ICOS: variants seen among roughly 807,000 people sequenced by gnomAD.
The protein encoded by ICOS is inducible T cell costimulator.
ICOS carries 15 observed loss-of-function variants against 24.6 expected under a neutral mutation model. The ratio of observed to expected loss-of-function variants is 0.61; its 90% CI spans 0.41 to 0.94. The LOEUF (loss-of-function observed/expected upper bound fraction) is 0.94. Ranked by LOEUF, ICOS falls within the 40% of genes least tolerant of loss-of-function variation. The probability of loss-of-function intolerance (pLI) is 0.00; values close to 1 mark genes in which losing one functional copy is unlikely to be tolerated. For synonymous variants in ICOS, 89 were observed against 77.5 expected (o/e 1.15, Z -0.78); for missense variants, 200 against 233.0 (o/e 0.86, Z 0.92).
intron 1 of ICOS, among the ~76,000 whole-genome samples, chr2:203,953,679 A>G (rs1229123753): frequency 6.6e-6 from 1 of 152,232 alleles, no homozygotes; most frequent in Non-Finnish European, 1.5e-5. Context: ...AATACATAGT[A>G]TTATAACTTT....
chr2:203,954,636 A>G (rs930198486), intron 1 of ICOS, among the ~76,000 whole-genome samples: 47 of 152,152 alleles, frequency 3.1e-4, no homozygotes, highest in African/African-American at 1.1e-3. Flanking sequence ...GTAAACAAAA[A>G]TCTGGGGCTT....
rs76460798 is a variant in ICOS at position 203,946,861 on chromosome 2, T to A, written c.59-8775T>A. 3.7e-3 allele frequency among the ~76,000 whole-genome samples: 562 copies of A among 152,362 alleles called. 9 individuals are homozygous for A. The highest frequency in any genetic ancestry group is 0.013 in the African/African-American group (540 of 41,582). On this transcript the variant is annotated intron_variant, in intron 1 of 4. Coordinates refer to ENST00000316386, the MANE Select transcript of ICOS (RefSeq NM_012092.4). ...GATTACAAACTCAGGACATCTTATC[T>A]TTCCATCACTCTGAGACCTTTGTGG...
chr2:203,955,572 A>G (rs1280912442), intron 1 of ICOS, 64 bp from the exon 2 acceptor site: 3 of 1,361,302 alleles, frequency 2.2e-6, no homozygotes, highest in Admixed American at 3.4e-5. Flanking sequence ...TTATGTTAAA[A>G]TATAATTATT....
intron 1 of ICOS, among the ~76,000 whole-genome samples, chr2:203,938,691 G>C (rs1458730408): frequency 6.6e-6 from 1 of 152,140 alleles, no homozygotes; most frequent in African/African-American, 2.4e-5. Context: ...AAGTAGCATC[G>C]GTGTCAATTC....
At chr2:203,944,571 T>G (rs1443367322) in intron 1 of ICOS, among the ~76,000 whole-genome samples, 1 of 152,208 alleles carries the variant, frequency 6.6e-6, no homozygotes, top group Non-Finnish European at 1.5e-5. Context: ...ACAAAGATAT[T>G]TACCAAACAT....
At chr2:203,951,666 T>G (rs1006571916) in intron 1 of ICOS, among the ~76,000 whole-genome samples, 14 of 152,336 alleles carry the variant, frequency 9.2e-5, no homozygotes, top group African/African-American at 2.9e-4. Context: ...TCTATGTCTG[T>G]GTATACATGG....
chr2:203,954,263 T>C (rs1346339654), intron 1 of ICOS, among the ~76,000 whole-genome samples: 2 of 152,202 alleles, frequency 1.3e-5, no homozygotes, highest in African/African-American at 4.8e-5. Context: ...CAACCTTGGC[T>C]TCCTATAAGC....
At chr2:203,955,567 T>C (rs1051522004) in intron 1 of ICOS, 69 bp from the exon 2 acceptor site, 18 of 1,342,076 alleles carry the variant, frequency 1.3e-5, no homozygotes, top group Non-Finnish European at 1.8e-5. Flanking sequence ...TGCTTTTATG[T>C]TAAAATATAA....
Position 203,961,006 on chromosome 2 carries a change from G to A in ICOS, c.*1407G>A, listed in dbSNP as rs1559931. The A allele has an allele frequency of 0.29, 44,225 of 152,020 alleles. 7,033 individuals carry two copies. The highest frequency in any genetic ancestry group is 0.41 in the African/African-American group (16,947 of 41,416). The allele number at this position is 152,020 out of a possible 1,614,324, so 9.4% of individuals were successfully genotyped here. On this transcript the variant is annotated 3_prime_UTR_variant, in exon 5 of 5. Coordinates refer to ENST00000316386, the MANE Select transcript of ICOS (RefSeq NM_012092.4). ...TTTGGCTAGAAAGATTCTTAAATAT[G>A]TGGAATATGATTATTCTTAGCTGGA...
chr2:203,953,283 C>T (rs1417856152), intron 1 of ICOS, among the ~76,000 whole-genome samples: 1 of 152,164 alleles, frequency 6.6e-6, no homozygotes, highest in Non-Finnish European at 1.5e-5. Flanking sequence ...GTAAAAGCAG[C>T]TTCCAAGCTT....
chr2:203,940,928 C>G (rs1689757412), intron 1 of ICOS, among the ~76,000 whole-genome samples: 1 of 152,058 alleles, frequency 6.6e-6, no homozygotes, highest in Non-Finnish European at 1.5e-5. Context: ...AGACTACAGG[C>G]ACCCGCCACC....
At chr2:203,954,542 T>C (rs958756060) in intron 1 of ICOS, among the ~76,000 whole-genome samples, 11 of 152,058 alleles carry the variant, frequency 7.2e-5, no homozygotes, top group Admixed American at 3.9e-4. Flanking sequence ...CGAGCTAGGA[T>C]CATGCCACTG....
At chr2:203,955,488 G>T in intron 1 of ICOS, 148 bp from the exon 2 acceptor site, 1 of 674,580 alleles carries the variant, frequency 1.5e-6, no homozygotes, top group Middle Eastern at 3.9e-4. Context: ...TCTTCCTTGA[G>T]GGGTGGAGGG....
At position 203,959,954 on chromosome 2, in the gene ICOS, G is replaced by C. The variant is rs1406232614; in HGVS notation, c.*355G>C. The C allele has an allele frequency of 2.7e-6, 1 of 374,358 alleles. No individual in the cohort carries two copies. The highest frequency in any genetic ancestry group is 6.0e-5 in the East Asian group (1 of 16,682). The allele number at this position is 374,358 out of a possible 1,614,324, so 23.2% of individuals were successfully genotyped here. A position where few individuals can be genotyped will look rare whatever the true frequency, so the allele number is the denominator to read the frequency against. On this transcript the variant is annotated 3_prime_UTR_variant, in exon 5 of 5. Transcript: ENST00000316386. ...GAAAAATGTTTTAAAGATGCCAGGG[G>C]TACTGAATCTGCAAAGCAAATGAGC...
At chr2:203,944,435 G>C (rs1422871467) in intron 1 of ICOS, among the ~76,000 whole-genome samples, 2 of 152,210 alleles carry the variant, frequency 1.3e-5, no homozygotes, top group Non-Finnish European at 2.9e-5. Flanking sequence ...GTCAGAGTGT[G>C]TGTTTGGGAG....
At chr2:203,951,836 G>A (rs543075229) in intron 1 of ICOS, among the ~76,000 whole-genome samples, 1 of 152,282 alleles carries the variant, frequency 6.6e-6, no homozygotes, top group South Asian at 2.1e-4. Flanking sequence ...CAAAGCAACA[G>A]TGGGGCAACA....
At chr2:203,948,210 G>C (rs1169996013) in intron 1 of ICOS, among the ~76,000 whole-genome samples, 4 of 152,196 alleles carry the variant, frequency 2.6e-5, no homozygotes, top group African/African-American at 4.8e-5. Flanking sequence ...AGTTGGGGTA[G>C]TGTCTTGTAT....
At chr2:203,938,315 G>A (rs374227381) in intron 1 of ICOS, among the ~76,000 whole-genome samples, 1 of 152,124 alleles carries the variant, frequency 6.6e-6, no homozygotes. Flanking sequence ...TGGGGAGAAC[G>A]GTATGAAGGT....
At chr2:203,938,800 T>C (rs1689711579) in intron 1 of ICOS, among the ~76,000 whole-genome samples, 1 of 152,226 alleles carries the variant, frequency 6.6e-6, no homozygotes, top group South Asian at 2.1e-4. Flanking sequence ...TCGTAGATTC[T>C]AAATGAATAC....
Sources: gnomAD v4.1 joint callset for allele counts (sites outside exome capture counted in the v4.1 genomes callset) on GRCh38, gnomAD v4.1.1 for gene constraint, MANE v1.5 for transcripts, NCBI Gene and HGNC (gene_info 2026-07-23, HGNC 2026-07-21) for gene names.